The following DCDC1 variants were observed in gnomAD, a reference collection of about 807,000 sequenced individuals.
The protein encoded by DCDC1 is doublecortin domain containing 1.
DCDC1 carries 200 observed loss-of-function variants against 178.3 expected under a neutral mutation model. The observed-to-expected ratio is 1.12, with a 90% CI of 1.00 to 1.26. The LOEUF (loss-of-function observed/expected upper bound fraction) is 1.26, where lower values mean the gene tolerates loss of function less well. Ranked by LOEUF, DCDC1 falls within the 50% of genes most tolerant of loss-of-function variation. The pLI is 0.00. For missense variants in DCDC1, 1,983 were observed against 1,749.2 expected (o/e 1.13, Z -2.38); for synonymous variants, 690 against 604.8 (o/e 1.14, Z -2.07).
At chr11:31,242,068 C>T (rs1977219753) in intron 8 of DCDC1, among the ~76,000 whole-genome samples, 1 of 151,900 alleles carries the variant, frequency 6.6e-6, no homozygotes, top group Admixed American at 6.6e-5. Flanking sequence ...AAAATATAAT[C>T]CACACCTTTA....
chr11:31,054,040 T>C (rs768690424), intron 20 of DCDC1, among the ~76,000 whole-genome samples: 7 of 152,056 alleles, frequency 4.6e-5, no homozygotes, highest in Admixed American at 3.9e-4. Flanking sequence ...CTGTCACTGT[T>C]TGCTGATGAT....
chr11:31,284,135 GT>G (rs1384479953), intron 7 of DCDC1, among the ~76,000 whole-genome samples: 2 of 151,962 alleles, frequency 1.3e-5, no homozygotes, highest in African/African-American at 2.4e-5. Flanking sequence ...ATTTTGTCCA[GT>G]TTTTCAGTTG....
rs570657752 is a variant in DCDC1, at chr11:30,927,631, T to C, written c.2898-2223A>G. Among the ~76,000 whole-genome samples the C allele has an allele frequency of 1.2e-4, 18 of 152,268 alleles. No homozygotes were observed. The East Asian group carries it at 3.5e-3, about 29-fold the overall frequency. On this transcript the variant is annotated intron_variant, in intron 22 of 38. Coordinates refer to ENST00000684477, the MANE Select transcript of DCDC1 (RefSeq NM_001387274.1). ...CAGTGGTCTTTCCAATATTCTATGT[T>C]GCCAGCAACTTTACAGAAAGTAGAA... is the stretch of plus-strand genomic sequence containing the variant.
intron 20 of DCDC1, among the ~76,000 whole-genome samples, chr11:31,038,384 C>T (rs1488179222): frequency 6.6e-6 from 1 of 151,984 alleles, no homozygotes; most frequent in East Asian, 1.9e-4. Flanking sequence ...TTTGTTAAAC[C>T]AACTGAAAAA....
intron 21 of DCDC1, chr11:30,943,887 T>G: frequency 3.6e-6 from 1 of 279,038 alleles, no homozygotes; most frequent in South Asian, 3.7e-5. Context: ...GTACATAGTT[T>G]TTAGTATTAA....
chr11:31,219,707 G>A (rs1226879859), intron 9 of DCDC1, among the ~76,000 whole-genome samples: 1 of 152,160 alleles, frequency 6.6e-6, no homozygotes, highest in Non-Finnish European at 1.5e-5. Flanking sequence ...GATTGGATAT[G>A]AGCAGAGAAT....
At chr11:31,011,846 C>G (rs1952188754) in intron 20 of DCDC1, among the ~76,000 whole-genome samples, 1 of 152,132 alleles carries the variant, frequency 6.6e-6, no homozygotes, top group African/African-American at 2.4e-5. Context: ...TATGTGGTAA[C>G]TAAAAGATAG....
At chr11:31,062,405 T>C (rs1360925223) in intron 20 of DCDC1, among the ~76,000 whole-genome samples, 1 of 152,148 alleles carries the variant, frequency 6.6e-6, no homozygotes, top group Non-Finnish European at 1.5e-5. Flanking sequence ...GGGAATTACA[T>C]TCTAGTGATG....
chr11:31,134,995 C>T (rs1215567069), intron 10 of DCDC1, among the ~76,000 whole-genome samples: 1 of 151,944 alleles, frequency 6.6e-6, no homozygotes, highest in Non-Finnish European at 1.5e-5. Context: ...GAGCCTATCT[C>T]TAAAATAAAA....
At chr11:31,268,998 T>C (rs2137144243) in intron 7 of DCDC1, among the ~76,000 whole-genome samples, 1 of 152,328 alleles carries the variant, frequency 6.6e-6, no homozygotes, top group African/African-American at 2.4e-5. Context: ...AACCAAACCT[T>C]TGTGCAAGTT....
intron 20 of DCDC1, among the ~76,000 whole-genome samples, chr11:30,954,005 C>CTTTTTTTT (rs5790847): frequency 2.6e-5 from 2 of 76,504 alleles, no homozygotes; most frequent in African/African-American, 1.1e-4. Flanking sequence ...TACAACAATT[C>CTTTTTTTT]TTTTTTTTTT....
chr11:31,334,061 G>A (rs1311417490), intron 2 of DCDC1, among the ~76,000 whole-genome samples: 1 of 152,068 alleles, frequency 6.6e-6, no homozygotes, highest in East Asian at 1.9e-4. Context: ...ATAATTCTTG[G>A]AGGCTTTGTT....
chr11:30,928,946 A>G (rs927671676), intron 22 of DCDC1, among the ~76,000 whole-genome samples: 1 of 152,054 alleles, frequency 6.6e-6, no homozygotes, highest in Admixed American at 6.6e-5. Flanking sequence ...TGAAAAATAA[A>G]TAATGATGAT....
chr11:30,921,355 A>T (rs763631534), intron 24 of DCDC1, among the ~76,000 whole-genome samples: 3 of 151,964 alleles, frequency 2.0e-5, no homozygotes, highest in African/African-American at 4.8e-5. Context: ...AATTATACTA[A>T]TTTTTTTTCT....
chr11:31,030,591 C>T (rs2135271608), intron 20 of DCDC1, among the ~76,000 whole-genome samples: 1 of 152,298 alleles, frequency 6.6e-6, no homozygotes, highest in South Asian at 2.1e-4. Flanking sequence ...CTTCACTTCC[C>T]TTTGCCGAAG....
In DCDC1 at chr11:31,264,216, A is replaced by T. The variant is rs142193378; in HGVS notation, c.1054+1291T>A. ...GTCTCTTCTTGCCCTCTTTTATGTT[A>T]CATTGTGGTAGAAACAGATCATGTA... On this transcript the variant is annotated intron_variant, in intron 8 of 38. Transcript: ENST00000684477. Among the ~76,000 whole-genome samples, 23 of 152,262 alleles carry T rather than the reference A, an allele frequency of 1.5e-4. No individual in the cohort carries two copies. The East Asian group carries it at 4.1e-3, about 27-fold the overall frequency.
chr11:31,186,578 G>A (rs945844981), intron 9 of DCDC1, among the ~76,000 whole-genome samples: 5 of 152,124 alleles, frequency 3.3e-5, no homozygotes, highest in African/African-American at 7.2e-5. Context: ...CCCTGACCAT[G>A]GGCACCACTG....
chr11:31,242,801 T>C (rs1977329180), intron 8 of DCDC1, among the ~76,000 whole-genome samples: 2 of 151,922 alleles, frequency 1.3e-5, no homozygotes, highest in Admixed American at 6.6e-5. Flanking sequence ...TTCTGCTAAA[T>C]TTTGCTCTTG....
chr11:31,030,702 C>A (rs989408105), intron 20 of DCDC1, among the ~76,000 whole-genome samples: 16 of 152,164 alleles, frequency 1.1e-4, no homozygotes, highest in African/African-American at 3.4e-4. Context: ...TGGGTGAAGC[C>A]ACCACTCATG....
Sources: allele counts gnomAD v4.1 joint callset (sites outside exome capture counted in the v4.1 genomes callset), GRCh38; gene constraint gnomAD v4.1.1; transcripts MANE v1.5; gene names NCBI Gene and HGNC (gene_info 2026-07-23, HGNC 2026-07-21).